The following LYST variants were observed in gnomAD, a reference collection of about 807,000 sequenced individuals.
LYST encodes lysosomal trafficking regulator, also known as lysosomal-trafficking regulator.
In LYST, 192 loss-of-function variants were observed where a neutral mutation model predicts 413.6. The ratio of observed to expected loss-of-function variants is 0.46; its 90% confidence interval spans 0.41 to 0.52. LYST has a LOEUF of 0.52. LYST is among the 20% of genes least tolerant of loss of function. LYST has a pLI of 0.00. For synonymous variants in LYST, 1,525 were observed against 1,567.3 expected (o/e 0.97, Z 0.64); for missense variants, 3,815 against 4,499.9 (o/e 0.85, Z 4.35).
chr1:235,706,498 T>C (rs1219183718), intron 44 of LYST, among the ~76,000 whole-genome samples: 1 of 152,196 alleles, frequency 6.6e-6, no homozygotes, highest in Non-Finnish European at 1.5e-5. Context: ...GTTTAACTAC[T>C]TGGGGTCTTA....
intron 1 of LYST, among the ~76,000 whole-genome samples, chr1:235,874,307 T>A (rs935880164): frequency 2.6e-5 from 4 of 152,220 alleles, no homozygotes; most frequent in African/African-American, 9.6e-5. Context: ...TTCTGTATAC[T>A]TGCAATGTTC....
Position 235,759,158 on chromosome 1 carries a change from C to T in LYST, c.6695G>A (p.Gly2232Glu), listed in dbSNP as rs990791341. The change falls in exon 23 of 53, where the codon GGA (glycine) becomes GAA (glutamate). Residue 2232 changes from glycine to glutamate, a missense_variant. Coordinates refer to ENST00000389793, the MANE Select transcript of LYST (RefSeq NM_000081.4). ...GTGGCTTCGCTGGAAGGAGGCCAATCCCTTTAGGTAATCAGGTCGGCGTGG... is the reference window on the plus strand; with the variant it reads ...GTGGCTTCGCTGGAAGGAGGCCAATTCCTTTAGGTAATCAGGTCGGCGTGG... ...SCPRRPDYLK[G>E]LASFQRSHST... is the part of the protein sequence containing the mutation. 1.2e-6 allele frequency: 2 copies of T among 1,614,168 alleles called. No homozygotes were observed. The highest frequency in any genetic ancestry group is 2.2e-5 in the East Asian group (1 of 44,880).
At chr1:235,710,449 G>A (rs1369595881) in intron 43 of LYST, among the ~76,000 whole-genome samples, 2 of 152,074 alleles carry the variant, frequency 1.3e-5, no homozygotes, top group Admixed American at 1.3e-4. Context: ...GTGCATAAGG[G>A]CATTTGTACA....
chr1:235,734,371 TA>T (rs1664638544), intron 32 of LYST, 111 bp downstream of exon 32: 3 of 883,734 alleles, frequency 3.4e-6, no homozygotes, highest in South Asian at 2.8e-5. Context: ...TAAAATAAAA[TA>T]ATCATTTCAA....
chr1:235,718,018 C>T (rs984380862), intron 40 of LYST, among the ~76,000 whole-genome samples: 1 of 151,902 alleles, frequency 6.6e-6, no homozygotes, highest in African/African-American at 2.4e-5. Flanking sequence ...CATGCACCAC[C>T]ACGCCTGGCT....
At chr1:235,737,210 T>C (rs1664897036) in intron 31 of LYST, 1 of 152,204 alleles carries the variant, frequency 6.6e-6, no homozygotes, top group Non-Finnish European at 1.5e-5. Context: ...TCAGCAGGAT[T>C]GTTATTAGTG....
intron 48 of LYST, among the ~76,000 whole-genome samples, chr1:235,681,234 A>G (rs1659790853): frequency 1.3e-5 from 2 of 152,142 alleles, no homozygotes; most frequent in African/African-American, 4.8e-5. Context: ...GTCAAAGGGC[A>G]CTCTGGGCTA....
chr1:235,689,816 GA>G (rs1032336668), intron 47 of LYST, among the ~76,000 whole-genome samples: 1 of 151,928 alleles, frequency 6.6e-6, no homozygotes, highest in African/African-American at 2.4e-5. Context: ...AATAAAGCTA[GA>G]AAAAAATAAA....
chr1:235,826,120 A>G (rs1675305133), intron 3 of LYST, among the ~76,000 whole-genome samples: 1 of 152,226 alleles, frequency 6.6e-6, no homozygotes, highest in Admixed American at 6.5e-5. Flanking sequence ...GACTAACACT[A>G]CAAAGACTGG....
At chr1:235,732,416 C>T (rs1664463932) in intron 34 of LYST, among the ~76,000 whole-genome samples, 1 of 152,132 alleles carries the variant, frequency 6.6e-6, no homozygotes, top group Admixed American at 6.5e-5. Context: ...GATCCTCCCG[C>T]CTCAGCCTCC....
intron 44 of LYST, among the ~76,000 whole-genome samples, chr1:235,703,218 TTTTAA>T (rs1230096096): frequency 1.5e-4 from 23 of 152,216 alleles, no homozygotes; most frequent in Admixed American, 2.0e-4. Flanking sequence ...TAAAATTAGC[TTTTAA>T]TTTAAGATCT....
intron 28 of LYST, among the ~76,000 whole-genome samples, chr1:235,748,290 G>C (rs1306124288): frequency 6.6e-6 from 1 of 152,066 alleles, no homozygotes; most frequent in Non-Finnish European, 1.5e-5. Context: ...CATGCATTAA[G>C]GGTGATGTGT....
chr1:235,774,090 C>A, intron 18 of LYST, 99 bp from the exon 19 acceptor site: 1 of 811,846 alleles, frequency 1.2e-6, no homozygotes, highest in Non-Finnish European at 2.1e-6. Context: ...TCATTAAATT[C>A]AAAGGAAAGC....
Position 235,720,173 on chromosome 1 carries a change from C to CAAAA in LYST, c.9560+484_9560+487dup, listed in dbSNP as rs71576484. ...CTGGTGACAGAGTGAGACTCTGTCT[C>CAAAA]AAAAAAAAAAAAAAAAAAAAAAAAA... On this transcript the variant is annotated intron_variant, in intron 40 of 52. Coordinates refer to ENST00000389793, the MANE Select transcript of LYST (RefSeq NM_000081.4). 5.5e-3 allele frequency among the ~76,000 whole-genome samples: 52 copies of CAAAA among 9,470 alleles called. 13 individuals are homozygous for CAAAA. Among genetic ancestry groups the CAAAA allele is most frequent in the African/African-American group, 0.012 (50 of 4,258 alleles). The allele number at this position is 9,470 out of a possible 152,430, so 6.2% of individuals were successfully genotyped here.
Position 235,792,007 on chromosome 1 carries a change from T to C in LYST, c.4235A>G (p.Gln1412Arg), listed in dbSNP as rs779325513. ...ACTGTTTAAAATCCCAGGATACTTTTGTGATGAAACACCGTTGCTTAAATT... is the reference window on the plus strand; with the variant it reads ...ACTGTTTAAAATCCCAGGATACTTTCGTGATGAAACACCGTTGCTTAAATT... ...APNLSNGVSS[Q>R]KYPGILNSKA... is the part of the protein sequence containing the mutation. The change falls in exon 12 of 53, where the codon CAA (glutamine) becomes CGA (arginine). Residue 1412 changes from glutamine (Q) to arginine (R), a missense_variant. Coordinates refer to ENST00000389793, the MANE Select transcript of LYST (RefSeq NM_000081.4). 5.0e-6 allele frequency: 8 copies of C among 1,614,016 alleles called. No homozygotes were observed. Among genetic ancestry groups the C allele is most frequent in the Non-Finnish European group, 6.8e-6 (8 of 1,180,004 alleles).
At position 235,810,049 on chromosome 1, in the gene LYST, A is replaced by AG. The variant is rs776305654; in HGVS notation, c.768dup (p.Cys258MetfsTer13). The stretch of plus-strand genomic sequence containing the variant: ...AATAAAGATAACAAAACATGACATA[A>AG]GTCAAATGGAGAATTGTTCATGTTA... On this transcript the variant is annotated frameshift_variant, in exon 5 of 53. Coordinates refer to ENST00000389793, the MANE Select transcript of LYST (RefSeq NM_000081.4). LOFTEE classifies it high-confidence loss of function. The AG allele has an allele frequency of 6.2e-7, 1 of 1,614,068 alleles. No individual in the cohort carries two copies. The highest frequency in any genetic ancestry group is 8.5e-7 in the Non-Finnish European group (1 of 1,179,944).
intron 48 of LYST, among the ~76,000 whole-genome samples, chr1:235,679,416 G>T (rs1403011222): frequency 6.6e-6 from 1 of 151,908 alleles, no homozygotes; most frequent in African/African-American, 2.4e-5. Flanking sequence ...TTGTGATTTG[G>T]CCCCACTCTA....
intron 47 of LYST, among the ~76,000 whole-genome samples, chr1:235,689,161 G>C (rs764470376): frequency 2.0e-5 from 3 of 151,956 alleles, no homozygotes; most frequent in Non-Finnish European, 2.9e-5. Flanking sequence ...ATCCAGTTTA[G>C]TCATTTGACT....
intron 46 of LYST, among the ~76,000 whole-genome samples, chr1:235,696,179 G>C (rs1661088074): frequency 6.6e-6 from 1 of 152,176 alleles, no homozygotes; most frequent in African/African-American, 2.4e-5. Flanking sequence ...TTTCATGACA[G>C]AAATAAGAGT....
Sources: gnomAD v4.1 joint callset for allele counts (sites outside exome capture counted in the v4.1 genomes callset) on GRCh38, gnomAD v4.1.1 for gene constraint, MANE v1.5 for transcripts, NCBI Gene and HGNC (gene_info 2026-07-23, HGNC 2026-07-21) for gene names.